GFRA1: variants seen among roughly 807,000 people sequenced by gnomAD.
GFRA1 encodes the protein GDNF family receptor alpha-1.
A neutral mutation model predicts 51.6 loss-of-function variants in GFRA1; 16 were observed. The observed-to-expected ratio is 0.31, with a 90% CI of 0.21 to 0.47. The LOEUF is 0.47. Among genes scored for constraint, GFRA1 ranks in the 20% least tolerant of loss-of-function variants. The pLI is 1.00. For missense variants in GFRA1, 530 were observed against 594.3 expected, an observed-to-expected ratio of 0.89 and a Z score of 1.13; for synonymous variants, 270 against 241.3, an observed-to-expected ratio of 1.12 and a Z score of -1.10.
intron 7 of GFRA1, among the ~76,000 whole-genome samples, chr10:116,094,410 T>TAG (rs1956488862): frequency 6.6e-6 from 1 of 152,072 alleles, no homozygotes; most frequent in Non-Finnish European, 1.5e-5. Context: ...CAGTGGAAAT[T>TAG]CTCTAAGTCA....
At chr10:116,172,351 A>G (rs1203634341) in intron 5 of GFRA1, among the ~76,000 whole-genome samples, 16 of 152,092 alleles carry the variant, frequency 1.1e-4, no homozygotes, top group Non-Finnish European at 2.9e-5. Context: ...TCTGTTCCCC[A>G]TTGAAGTGGT....
At chr10:116,222,071 T>C (rs377520508) in intron 4 of GFRA1, among the ~76,000 whole-genome samples, 8 of 152,222 alleles carry the variant, frequency 5.3e-5, no homozygotes, top group African/African-American at 1.7e-4. Flanking sequence ...AGGGCCATCC[T>C]ACTTGGGTTT....
At chr10:116,148,939 G>A (rs1176347543) in intron 5 of GFRA1, among the ~76,000 whole-genome samples, 1 of 152,114 alleles carries the variant, frequency 6.6e-6, no homozygotes, top group East Asian at 1.9e-4. Context: ...ATTTTTTAAA[G>A]AAAAGAAATT....
intron 6 of GFRA1, among the ~76,000 whole-genome samples, chr10:116,102,881 T>C (rs1429043108): frequency 6.6e-6 from 1 of 152,216 alleles, no homozygotes; most frequent in African/African-American, 2.4e-5. Context: ...GATCCCCTTA[T>C]CAATCTACTT....
At chr10:116,264,536 G>A (rs911678963) in intron 4 of GFRA1, among the ~76,000 whole-genome samples, 1 of 152,196 alleles carries the variant, frequency 6.6e-6, no homozygotes, top group Admixed American at 6.5e-5. Context: ...TACCATAAAG[G>A]CAAGAGCACG....
At chr10:116,181,045 T>G (rs1412742156) in intron 5 of GFRA1, among the ~76,000 whole-genome samples, 1 of 152,206 alleles carries the variant, frequency 6.6e-6, no homozygotes. Flanking sequence ...AGAGTCAATT[T>G]TGATGACGCT....
At chr10:116,123,700 T>C (rs1957739140) in intron 6 of GFRA1, among the ~76,000 whole-genome samples, 1 of 152,168 alleles carries the variant, frequency 6.6e-6, no homozygotes, top group African/African-American at 2.4e-5. Context: ...GGCTTCTACC[T>C]GGGGACAAAG....
chr10:116,154,279 A>T (rs1281479637), intron 5 of GFRA1, among the ~76,000 whole-genome samples: 1 of 152,228 alleles, frequency 6.6e-6, no homozygotes, highest in South Asian at 2.1e-4. Context: ...GAGAATTTTC[A>T]TTGCTGCTTG....
upstream of GFRA1, among the ~76,000 whole-genome samples, chr10:116,273,689 C>G (rs1172783138): frequency 6.6e-6 from 1 of 151,748 alleles, no homozygotes; most frequent in Non-Finnish European, 1.5e-5. Flanking sequence ...CTCTCTCTCT[C>G]TCTCTCACAC....
intron 4 of GFRA1, among the ~76,000 whole-genome samples, chr10:116,229,205 C>T (rs1038661033): frequency 2.0e-5 from 3 of 151,882 alleles, no homozygotes; most frequent in African/African-American, 4.8e-5. Context: ...GTTGCAGAAG[C>T]AGTAGGAAAT....
Position 116,082,414 on chromosome 10 carries a change from A to G in GFRA1, c.1197+7327T>C, listed in dbSNP as rs1350980559. On this transcript the variant is annotated intron_variant, in intron 9 of 10. Coordinates refer to ENST00000355422, the MANE Select transcript of GFRA1 (RefSeq NM_005264.8). ...CCCTCCTCCCTGGGACTTTCCACCAAGACCACATCTTAGAACTGGCAGGAT... is the reference window on the plus strand; with the variant it reads ...CCCTCCTCCCTGGGACTTTCCACCAGGACCACATCTTAGAACTGGCAGGAT... Among the ~76,000 whole-genome samples the G allele has an allele frequency of 2.6e-5, 4 of 151,934 alleles. No individual in the cohort carries two copies. The East Asian group carries it at 5.8e-4, about 22-fold the overall frequency.
chr10:116,071,796 C>A (rs560110658), intron 9 of GFRA1, among the ~76,000 whole-genome samples: 2 of 152,258 alleles, frequency 1.3e-5, no homozygotes, highest in South Asian at 2.1e-4. Flanking sequence ...CGAAACTTTA[C>A]CAACTAAATA....
At chr10:116,085,740 G>T (rs888201681) in intron 9 of GFRA1, among the ~76,000 whole-genome samples, 4 of 152,068 alleles carry the variant, frequency 2.6e-5, no homozygotes, top group Admixed American at 2.6e-4. Flanking sequence ...CTTCATAGAG[G>T]TCACCCTAGA....
In GFRA1 at chr10:116,270,717, G is replaced by A. The variant is rs1385536149; in HGVS notation, c.334+105C>T. 1.1e-5 allele frequency: 10 copies of A among 926,022 alleles called. No individual in the cohort carries two copies. In the East Asian group the frequency reaches 2.4e-4, roughly 23 times the overall value. The allele number at this position is 926,022 out of a possible 1,614,324, so 57.4% of individuals were successfully genotyped here. On this transcript the variant is annotated intron_variant, in intron 3 of 10. Transcript: ENST00000355422. ...GCCAAGGAAAGGTCCTCACTCTGCA[G>A]CTGGGGAGAAGTGAGTGGAGGATGA...
intron 6 of GFRA1, among the ~76,000 whole-genome samples, chr10:116,109,166 G>A (rs1957105122): frequency 6.6e-6 from 1 of 152,158 alleles, no homozygotes. Context: ...TCCCAGAGAG[G>A]TCCACGACCA....
chr10:116,266,725 G>A (rs1969685005), intron 4 of GFRA1, among the ~76,000 whole-genome samples: 1 of 152,184 alleles, frequency 6.6e-6, no homozygotes, highest in African/African-American at 2.4e-5. Context: ...ATGCATAAGT[G>A]AAACTTGGCC....
At chr10:116,090,432 TAAAAAA>T (rs35493394) in intron 8 of GFRA1, among the ~76,000 whole-genome samples, 12 of 121,162 alleles carry the variant, frequency 9.9e-5, no homozygotes, top group East Asian at 2.4e-4. Flanking sequence ...CCAGTTTCTT[TAAAAAA>T]AAAAAAAAAA....
At chr10:116,084,761 AACACAC>A (rs5788130) in intron 9 of GFRA1, among the ~76,000 whole-genome samples, 10,550 of 139,898 alleles carry the variant, frequency 0.075, 413 homozygotes, top group African/African-American at 0.1. Context: ...TTAAATAAGT[AACACAC>A]ACACACACAC....
At chr10:116,174,327 C>T (rs987446462) in intron 5 of GFRA1, among the ~76,000 whole-genome samples, 4 of 152,158 alleles carry the variant, frequency 2.6e-5, no homozygotes, top group African/African-American at 7.2e-5. Flanking sequence ...TGGAATCTAA[C>T]AGACAAAATG....
Sources: allele counts gnomAD v4.1 joint callset (sites outside exome capture counted in the v4.1 genomes callset), GRCh38; gene constraint gnomAD v4.1.1; transcripts MANE v1.5; gene names NCBI Gene and HGNC (gene_info 2026-07-23, HGNC 2026-07-21).